The following DENND1B variants were observed in gnomAD, a reference collection of about 807,000 sequenced individuals.
DENND1B encodes DENN domain containing 1B.
In DENND1B, 59 loss-of-function variants were observed where a neutral mutation model predicts 90.1. The ratio of observed to expected loss-of-function variants is 0.65; its 90% confidence interval spans 0.53 to 0.81. The LOEUF (loss-of-function observed/expected upper bound fraction) is 0.81. Ranked by LOEUF, DENND1B falls within the 40% of genes least tolerant of loss-of-function variation. DENND1B has a pLI of 0.00. For synonymous variants in DENND1B, 337 were observed against 324.6 expected (o/e 1.04, Z -0.41); for missense variants, 862 against 912.6 (o/e 0.94, Z 0.71).
At chr1:197,624,002 T>C (rs1384231064) in intron 10 of DENND1B, among the ~76,000 whole-genome samples, 1 of 151,552 alleles carries the variant, frequency 6.6e-6, no homozygotes, top group Non-Finnish European at 1.5e-5. Context: ...TGTCAGTCCT[T>C]CCAACTTGAT....
intron 14 of DENND1B, among the ~76,000 whole-genome samples, chr1:197,594,135 A>G (rs1452377014): frequency 1.3e-5 from 2 of 152,190 alleles, no homozygotes; most frequent in Admixed American, 6.5e-5. Flanking sequence ...TAGCAAGTAA[A>G]CTAGACAAAC....
intron 14 of DENND1B, among the ~76,000 whole-genome samples, chr1:197,593,545 C>G (rs1254562589): frequency 6.6e-6 from 1 of 151,304 alleles, no homozygotes; most frequent in Non-Finnish European, 1.5e-5. Flanking sequence ...TTTAAAAAGT[C>G]ACTGAAATCT....
At chr1:197,697,413 TTC>T (rs1658546539) in intron 3 of DENND1B, among the ~76,000 whole-genome samples, 1 of 151,850 alleles carries the variant, frequency 6.6e-6, no homozygotes, top group Admixed American at 6.6e-5. Flanking sequence ...AATTTCATCA[TTC>T]TGTCTTTCTG....
At chr1:197,542,807 A>G (rs558532677) in intron 18 of DENND1B, among the ~76,000 whole-genome samples, 1 of 152,328 alleles carries the variant, frequency 6.6e-6, no homozygotes, top group Non-Finnish European at 1.5e-5. Context: ...CTCCTGATTC[A>G]GGGATGATAT....
intron 6 of DENND1B, among the ~76,000 whole-genome samples, chr1:197,656,887 G>A (rs1055355450): frequency 5.3e-5 from 8 of 151,794 alleles, no homozygotes; most frequent in African/African-American, 1.7e-4. Flanking sequence ...TCATTCAAAA[G>A]CAAACTACAG....
intron 6 of DENND1B, among the ~76,000 whole-genome samples, chr1:197,652,959 T>C (rs1653401124): frequency 6.6e-6 from 1 of 152,000 alleles, no homozygotes; most frequent in Non-Finnish European, 1.5e-5. Context: ...TATACAAAGA[T>C]TTTTATAGAC....
intron 14 of DENND1B, among the ~76,000 whole-genome samples, chr1:197,587,562 A>C (rs1017355844): frequency 6.6e-6 from 1 of 152,114 alleles, no homozygotes; most frequent in African/African-American, 2.4e-5. Flanking sequence ...CCATACATTC[A>C]AGGTTATTTT....
At chr1:197,512,533 T>C (rs1052964478) in intron 21 of DENND1B, among the ~76,000 whole-genome samples, 5 of 151,712 alleles carry the variant, frequency 3.3e-5, no homozygotes, top group Non-Finnish European at 5.9e-5. Context: ...TTTCTTTCTA[T>C]TGACTATTAT....
chr1:197,666,652 G>C (rs1307563740), intron 5 of DENND1B, among the ~76,000 whole-genome samples: 1 of 152,126 alleles, frequency 6.6e-6, no homozygotes, highest in Non-Finnish European at 1.5e-5. Context: ...AAAGGCTTTT[G>C]CCAGCTACTC....
intron 4 of DENND1B, among the ~76,000 whole-genome samples, chr1:197,673,163 A>T (rs537261287): frequency 5.1e-4 from 77 of 152,148 alleles, no homozygotes; most frequent in African/African-American, 1.6e-3. Flanking sequence ...TTAAAATAAA[A>T]AAAAAACCCT....
chr1:197,538,664 T>A (rs1000881562), intron 20 of DENND1B, among the ~76,000 whole-genome samples: 23 of 150,156 alleles, frequency 1.5e-4, no homozygotes, highest in African/African-American at 5.6e-4. Flanking sequence ...GGATTTTTTT[T>A]TTTTTTTTTT....
At chr1:197,652,529 G>A (rs1017074041) in intron 6 of DENND1B, among the ~76,000 whole-genome samples, 3 of 151,540 alleles carry the variant, frequency 2.0e-5, no homozygotes, top group Non-Finnish European at 4.4e-5. Context: ...AAGAATAATG[G>A]CAATATTTCT....
intron 15 of DENND1B, among the ~76,000 whole-genome samples, chr1:197,560,139 T>C (rs1445119179): frequency 6.6e-6 from 1 of 151,902 alleles, no homozygotes; most frequent in Non-Finnish European, 1.5e-5. Context: ...AATACTACTT[T>C]CAAGGATATG....
chr1:197,596,335 T>C (rs570276270), intron 13 of DENND1B, among the ~76,000 whole-genome samples: 186 of 152,160 alleles, frequency 1.2e-3, no homozygotes, highest in South Asian at 3.7e-3. Flanking sequence ...AAAATGCTCC[T>C]ATGCATCCAA....
chr1:197,612,289 T>C (rs960939702), intron 11 of DENND1B, among the ~76,000 whole-genome samples: 3 of 150,656 alleles, frequency 2.0e-5, no homozygotes, highest in Non-Finnish European at 4.5e-5. Context: ...GTCTAGGCCA[T>C]AGTCTGAATT....
rs761748782 is a variant in DENND1B, at chr1:197,617,678, G to A, written c.754C>T (p.His252Tyr). ...QHIYIPVLPP[H>Y]LLDYCCAPMP... ...GCTTACCAGCAGTAGTCCAGCAGGTGTGGAGGAAGCACTGGGATGTATATG... is the reference window on the plus strand; with the variant it reads ...GCTTACCAGCAGTAGTCCAGCAGGTATGGAGGAAGCACTGGGATGTATATG... The change falls in exon 11 of 23, where the codon CAC becomes TAC. Residue 252 changes from histidine to tyrosine, a missense_variant. Physicochemically the swap from His to Tyr is moderately conservative, Grantham distance 83. Coordinates refer to ENST00000620048, the MANE Select transcript of DENND1B (RefSeq NM_001195215.2). 2 of 1,607,298 alleles carry A rather than the reference G, an allele frequency of 1.2e-6. No individual in the cohort carries two copies. The highest frequency in any genetic ancestry group is 1.7e-6 in the Non-Finnish European group (2 of 1,175,242).
intron 3 of DENND1B, among the ~76,000 whole-genome samples, chr1:197,675,539 G>A (rs1038090216): frequency 5.3e-5 from 8 of 151,942 alleles, no homozygotes; most frequent in Non-Finnish European, 8.8e-5. Flanking sequence ...TATATTAAGC[G>A]AAAGCTAACT....
chr1:197,506,516 A>T lies in DENND1B; in HGVS notation c.*3944T>A, dbSNP rs1276170303. 1 of 151,586 alleles carries T rather than the reference A, an allele frequency of 6.6e-6. No individual in the cohort carries two copies. Among genetic ancestry groups the T allele is most frequent in the Non-Finnish European group, 1.5e-5 (1 of 67,650 alleles). 9.4% of individuals were successfully genotyped at this position (151,586 alleles called of 1,614,324 possible). A position where few individuals can be genotyped will look rare whatever the true frequency, so the allele number is the denominator to read the frequency against. On this transcript the variant is annotated 3_prime_UTR_variant, in exon 23 of 23. Coordinates refer to ENST00000620048, the MANE Select transcript of DENND1B (RefSeq NM_001195215.2). ...TTATGTCAAACAAAATGGAATTTGT[A>T]TAAGAAAATTTATTCATGAAAATAA...
rs1344265522 is a variant in DENND1B at position 197,775,377 on chromosome 1, T to C, written c.-222A>G. On this transcript the variant is annotated 5_prime_UTR_variant, in exon 1 of 23. Transcript: ENST00000620048. ...CAGAGCCTTTCTGTGACAGCAGCGG[T>C]GGCGTGGCCGCCGCCCCCGTCTCCG... 8.9e-6 allele frequency: 3 copies of C among 336,058 alleles called. No individual in the cohort carries two copies. Among genetic ancestry groups the C allele is most frequent in the African/African-American group, 4.4e-5 (2 of 45,824 alleles). The allele number at this position is 336,058 out of a possible 1,614,324, so 20.8% of individuals were successfully genotyped here.
Sources: allele counts gnomAD v4.1 joint callset (sites outside exome capture counted in the v4.1 genomes callset), GRCh38; gene constraint gnomAD v4.1.1; transcripts MANE v1.5; gene names NCBI Gene and HGNC (gene_info 2026-07-23, HGNC 2026-07-21).